Variants in PAX7 observed in about 807,000 individuals in gnomAD.
PAX7 encodes paired box 7.
In PAX7, 18 loss-of-function variants were observed where a neutral mutation model predicts 50.7. That is an observed-to-expected ratio of 0.36 (90% confidence interval 0.25 to 0.53). PAX7 has a LOEUF of 0.53. Among genes scored for constraint, PAX7 ranks in the 20% least tolerant of loss-of-function variants. The pLI is 0.93. For synonymous variants in PAX7, 310 were observed against 290.4 expected (o/e 1.07, Z -0.69); for missense variants, 644 against 702.9 (o/e 0.92, Z 0.95).
intron 1 of PAX7, among the ~76,000 whole-genome samples, chr1:18,633,155 G>C (rs527384251): frequency 4.6e-5 from 7 of 152,058 alleles, no homozygotes; most frequent in Non-Finnish European, 1.0e-4. Context: ...AGAGGTGGGG[G>C]GACCGGGAGA....
At chr1:18,637,680 C>T (rs995374755) in intron 4 of PAX7, among the ~76,000 whole-genome samples, 12 of 152,262 alleles carry the variant, frequency 7.9e-5, no homozygotes, top group African/African-American at 2.9e-4. Context: ...AAGACAACTC[C>T]CATCTACGCC....
rs890382154 is a variant in PAX7, at chr1:18,635,096, C to T, written c.322-15C>T. ...CCATCTTTCCACTCCTACTCTCCCA[C>T]CTCCACCTCTGAAGCAGGTGGCGAC... On this transcript the variant is annotated splice_polypyrimidine_tract_variant and intron_variant, in intron 2 of 8. Transcript: ENST00000420770. The T allele has an allele frequency of 2.5e-6, 4 of 1,613,156 alleles. No individual in the cohort carries two copies. The highest frequency in any genetic ancestry group is 2.2e-5 in the East Asian group (1 of 44,856).
At chr1:18,663,862 T>G (rs929618392) in intron 4 of PAX7, among the ~76,000 whole-genome samples, 1 of 152,256 alleles carries the variant, frequency 6.6e-6, no homozygotes, top group African/African-American at 2.4e-5. Flanking sequence ...GTTATCACTT[T>G]AACATAGCCT....
At chr1:18,655,450 G>C (rs997235137) in intron 4 of PAX7, among the ~76,000 whole-genome samples, 1 of 152,212 alleles carries the variant, frequency 6.6e-6, no homozygotes, top group African/African-American at 2.4e-5. Flanking sequence ...GCAGGGAGGG[G>C]GCTGCAGGAT....
chr1:18,633,891 C>T (rs998166280), intron 1 of PAX7, among the ~76,000 whole-genome samples: 4 of 152,236 alleles, frequency 2.6e-5, no homozygotes, highest in Non-Finnish European at 4.4e-5. Context: ...GCCCAAGCTT[C>T]GGCCTGAGGG....
Position 18,744,993 on chromosome 1 carries a change from C to T in PAX7, c.*64C>T. 1.0e-6 allele frequency: 1 copy of T among 953,594 alleles called. No individual in the cohort carries two copies. The highest frequency in any genetic ancestry group is 1.6e-6 in the Non-Finnish European group (1 of 612,954). The allele number at this position is 953,594 out of a possible 1,614,324, so 59.1% of individuals were successfully genotyped here. On this transcript the variant is annotated 3_prime_UTR_variant, in exon 9 of 9. Coordinates refer to ENST00000420770, the MANE Select transcript of PAX7 (RefSeq NM_001135254.2). ...CAACCCTAACTGACCCCTGAGCTTCCCAGCCTTGCCGCCTCACCCCCCTGT... is the reference window on the plus strand; with the variant it reads ...CAACCCTAACTGACCCCTGAGCTTCTCAGCCTTGCCGCCTCACCCCCCTGT...
intron 8 of PAX7, among the ~76,000 whole-genome samples, chr1:18,740,446 G>A (rs1370124238): frequency 6.6e-6 from 1 of 152,204 alleles, no homozygotes; most frequent in Admixed American, 6.5e-5. Flanking sequence ...GTCACGCACT[G>A]CATGTGACTC....
chr1:18,684,196 G>A (rs1392715891), intron 4 of PAX7, among the ~76,000 whole-genome samples: 2 of 152,200 alleles, frequency 1.3e-5, no homozygotes, highest in African/African-American at 4.8e-5. Context: ...GAAGAGATGG[G>A]GTGGGCGGAT....
chr1:18,636,890 C>T lies in PAX7; in HGVS notation c.586+519C>T, dbSNP rs2088168436. Among the ~76,000 whole-genome samples, 2 of 152,286 alleles carry T rather than the reference C, an allele frequency of 1.3e-5. No homozygotes were observed. Among genetic ancestry groups the T allele is most frequent in the East Asian group, 3.9e-4 (2 of 5,170 alleles). On this transcript the variant is annotated intron_variant, in intron 4 of 8. Coordinates refer to ENST00000420770, the MANE Select transcript of PAX7 (RefSeq NM_001135254.2). This position sits in a 1 kb window ranked among gnomAD's most constrained non-coding sequence, Gnocchi z 5.1. ...CCGCCTGACAGTTGACTGACCGCTGCAATCAATAAAAATTAGCCAGGGCCG... is the reference window on the plus strand; with the variant it reads ...CCGCCTGACAGTTGACTGACCGCTGTAATCAATAAAAATTAGCCAGGGCCG...
intron 4 of PAX7, among the ~76,000 whole-genome samples, chr1:18,673,047 T>A (rs2088775461): frequency 6.6e-6 from 1 of 152,172 alleles, no homozygotes; most frequent in Non-Finnish European, 1.5e-5. Flanking sequence ...GCCTCCTCAC[T>A]GCCCTCCCTT....
At chr1:18,712,131 G>C (rs1049599490) in intron 7 of PAX7, among the ~76,000 whole-genome samples, 1 of 152,264 alleles carries the variant, frequency 6.6e-6, no homozygotes, top group Admixed American at 6.5e-5. Context: ...GCGTAGGTGT[G>C]AACTGATGGT....
Position 18,700,859 on chromosome 1 carries a change from CT to C in PAX7, c.952+43del. On this transcript the variant is annotated intron_variant, in intron 6 of 8. Coordinates refer to ENST00000420770, the MANE Select transcript of PAX7 (RefSeq NM_001135254.2). The surrounding 1 kb of genome is among the most constrained non-coding windows in gnomAD (Gnocchi z 4.8). ...CCGTCCTGCCATCTCAGTGGTGCCCCTTCCCTTCTTTCTTTACTTTCACTTA... is the reference window on the plus strand; with the variant it reads ...CCGTCCTGCCATCTCAGTGGTGCCCCTCCCTTCTTTCTTTACTTTCACTTA... 1 of 1,346,534 alleles carries C rather than the reference CT, an allele frequency of 7.4e-7. No homozygotes were observed. The highest frequency in any genetic ancestry group is 3.8e-5 in the Admixed American group (1 of 26,438). 83.4% of individuals were successfully genotyped at this position (1,346,534 alleles called of 1,614,324 possible).
At chr1:18,705,313 G>T (rs536970166) in intron 7 of PAX7, among the ~76,000 whole-genome samples, 50 of 152,310 alleles carry the variant, frequency 3.3e-4, no homozygotes, top group African/African-American at 1.2e-3. Flanking sequence ...CCCTGAACTG[G>T]CTGGGGGAGG....
intron 4 of PAX7, among the ~76,000 whole-genome samples, chr1:18,646,178 T>G (rs1025908288): frequency 6.6e-6 from 1 of 152,134 alleles, no homozygotes; most frequent in Non-Finnish European, 1.5e-5. Flanking sequence ...ATGTCCGGGA[T>G]TTGTCGGAGG....
At chr1:18,696,234 T>A (rs1240648693) in intron 5 of PAX7, among the ~76,000 whole-genome samples, 1 of 151,980 alleles carries the variant, frequency 6.6e-6, no homozygotes, top group East Asian at 1.9e-4. Context: ...CCTGGCTAAT[T>A]TTTTGTATTT....
chr1:18,733,997 C>T (rs1249202518), intron 7 of PAX7, among the ~76,000 whole-genome samples: 1 of 152,188 alleles, frequency 6.6e-6, no homozygotes, highest in Non-Finnish European at 1.5e-5. Context: ...CTCAGGGATA[C>T]TCCCGAGGTT....
intron 4 of PAX7, among the ~76,000 whole-genome samples, chr1:18,688,540 G>A (rs745459783): frequency 5.3e-5 from 8 of 152,190 alleles, no homozygotes; most frequent in Non-Finnish European, 1.0e-4. Context: ...AATCTAGAAC[G>A]TTTCCGTCAT....
rs1422130258 is a variant in PAX7 at position 18,645,375 on chromosome 1, G to T, written c.586+9004G>T. On this transcript the variant is annotated intron_variant, in intron 4 of 8. Transcript: ENST00000420770. ...AAGACCGAAGATCAAAGAGGCCCCCGAGCGGGACAGAAAAAGGGGTGGGGC... is the reference window on the plus strand; with the variant it reads ...AAGACCGAAGATCAAAGAGGCCCCCTAGCGGGACAGAAAAAGGGGTGGGGC... 2.0e-5 allele frequency among the ~76,000 whole-genome samples: 3 copies of T among 152,358 alleles called. No homozygotes were observed. The East Asian group carries it at 5.8e-4, about 29-fold the overall frequency.
intron 1 of PAX7, 74 bp downstream of exon 1, chr1:18,631,762 C>A (rs943922485): frequency 1.4e-4 from 176 of 1,265,396 alleles, no homozygotes; most frequent in Non-Finnish European, 1.6e-4. Context: ...GCTGCGGTCT[C>A]CAGGGGACGG....
Sources: allele counts gnomAD v4.1 joint callset (sites outside exome capture counted in the v4.1 genomes callset), GRCh38; gene constraint gnomAD v4.1.1; non-coding constraint Gnocchi (gnomAD v3.1); transcripts MANE v1.5; gene names NCBI Gene and HGNC (gene_info 2026-07-23, HGNC 2026-07-21).